Variants in THBS4 observed in about 807,000 individuals in gnomAD.
The protein encoded by THBS4 is thrombospondin-4.
A neutral mutation model predicts 115.7 loss-of-function variants in THBS4; 90 were observed. That is an observed-to-expected ratio of 0.78 (90% CI 0.66 to 0.93). The LOEUF is 0.93. Ranked by LOEUF, THBS4 falls within the 40% of genes least tolerant of loss-of-function variation. The pLI, the probability that THBS4 is intolerant of heterozygous loss-of-function variation, is 0.00. For synonymous variants in THBS4, 460 were observed against 479.3 expected, an observed-to-expected ratio of 0.96 and a Z score of 0.53; for missense variants, 1,087 against 1,232.7, an observed-to-expected ratio of 0.88 and a Z score of 1.77.
intron 2 of THBS4, among the ~76,000 whole-genome samples, chr5:79,999,055 C>G (rs979030233): frequency 1.3e-5 from 2 of 152,164 alleles, no homozygotes; most frequent in Admixed American, 6.5e-5. Context: ...CCTTGGAAAT[C>G]ACTGGAATCC....
chr5:80,051,066 C>A (rs887855743), intron 2 of THBS4, among the ~76,000 whole-genome samples: 2 of 152,066 alleles, frequency 1.3e-5, no homozygotes, highest in African/African-American at 2.4e-5. Context: ...GCGTTTTGTT[C>A]CTTCTGCTAT....
At chr5:80,040,927 T>C (rs1395531025) in intron 2 of THBS4, among the ~76,000 whole-genome samples, 1 of 151,908 alleles carries the variant, frequency 6.6e-6, no homozygotes, top group African/African-American at 2.4e-5. Flanking sequence ...AGCTTTATAA[T>C]AACCCACTCT....
chr5:80,072,892 A>G (rs553983022), intron 14 of THBS4, among the ~76,000 whole-genome samples: 2 of 152,252 alleles, frequency 1.3e-5, no homozygotes, highest in South Asian at 4.1e-4. Context: ...TCTGTGACTC[A>G]CTCATGATTT....
intron 8 of THBS4, among the ~76,000 whole-genome samples, chr5:80,063,042 A>G (rs17879315): frequency 6.4e-4 from 98 of 152,342 alleles, no homozygotes; most frequent in African/African-American, 2.3e-3. Context: ...GCCTTTGGGT[A>G]TATGCCCAGT....
chr5:80,034,563 C>G (rs1440368270), upstream of THBS4, among the ~76,000 whole-genome samples: 1 of 152,182 alleles, frequency 6.6e-6, no homozygotes, highest in Non-Finnish European at 1.5e-5. Context: ...CGATCTCTTT[C>G]AAGTTCTACT....
intron 1 of THBS4, among the ~76,000 whole-genome samples, chr5:79,992,141 C>T (rs926172965): frequency 3.9e-5 from 6 of 152,186 alleles, no homozygotes; most frequent in African/African-American, 1.2e-4. Context: ...CTAATGAGCA[C>T]AGACTAAATG....
chr5:80,005,616 T>C (rs1390269576), intron 2 of THBS4, among the ~76,000 whole-genome samples: 2 of 152,178 alleles, frequency 1.3e-5, no homozygotes, highest in African/African-American at 4.8e-5. Context: ...TTAACTTCCC[T>C]GAGTCTTGGT....
In THBS4 at chr5:80,080,020, A is replaced by G; in HGVS notation, c.2627A>G (p.Lys876Arg). ...LWKDSRNVGWKDKVSYRWFLQ... is the reference protein window; with the variant it reads ...LWKDSRNVGWRDKVSYRWFLQ... ...AAGGACTCCAGGAATGTGGGCTGGA[A>G]GGACAAGGTGTCCTACCGCTGGTTC... is the stretch of plus-strand genomic sequence containing the variant. The change falls in exon 20 of 22, where the codon AAG becomes AGG. Residue 876 changes from lysine to arginine, a missense_variant. Lys to Arg is a conservative substitution (Grantham distance 26). This residue lies in a region of THBS4 where 5 missense variants were observed against 20.8 expected (regional missense o/e 0.24). Transcript: ENST00000350881. 6.2e-7 allele frequency: 1 copy of G among 1,614,180 alleles called. No individual in the cohort carries two copies. Among genetic ancestry groups the G allele is most frequent in the South Asian group, 1.1e-5 (1 of 91,084 alleles).
rs1166921888 is a variant in THBS4, at chr5:80,055,955, A to C, written c.463A>C (p.Asn155His). ...CTGCATCCAGGTGGATTCCGTTCAC[A>C]ATCTCCCCAGGGCCTTTGCTGGCCC... The part of the protein sequence containing the change: ...LDCIQVDSVH[N>H]LPRAFAGPSQ... The change falls in exon 3 of 22, where the codon AAT becomes CAT. Residue 155 changes from asparagine (N) to histidine (H), a missense_variant. Coordinates refer to ENST00000350881, the MANE Select transcript of THBS4 (RefSeq NM_003248.6). 6.2e-7 allele frequency: 1 copy of C among 1,614,170 alleles called. No individual in the cohort carries two copies. The highest frequency in any genetic ancestry group is 1.1e-5 in the South Asian group (1 of 91,080).
intron 2 of THBS4, among the ~76,000 whole-genome samples, chr5:80,010,854 T>G (rs144667364): frequency 6.6e-6 from 1 of 152,352 alleles, no homozygotes; most frequent in East Asian, 1.9e-4. Context: ...TGACCTTGAA[T>G]GAGATGACTT....
chr5:80,065,878 G>A (rs996616491), intron 9 of THBS4, among the ~76,000 whole-genome samples: 2 of 152,012 alleles, frequency 1.3e-5, no homozygotes, highest in African/African-American at 4.8e-5. Flanking sequence ...CAATCATGGG[G>A]TCAGGAGATC....
intron 8 of THBS4, among the ~76,000 whole-genome samples, chr5:80,063,363 T>G (rs1479150832): frequency 6.6e-6 from 1 of 152,214 alleles, no homozygotes; most frequent in Non-Finnish European, 1.5e-5. Context: ...CTTTGCCCAC[T>G]TTTTGATGGG....
chr5:80,045,722 G>C (rs1833044730), intron 2 of THBS4, among the ~76,000 whole-genome samples: 1 of 151,930 alleles, frequency 6.6e-6, no homozygotes, highest in Non-Finnish European at 1.5e-5. Flanking sequence ...GTAGAGACAG[G>C]GTTTCTCCAT....
intron 2 of THBS4, among the ~76,000 whole-genome samples, chr5:80,051,053 CCT>C (rs1349587994): frequency 6.6e-6 from 1 of 152,078 alleles, no homozygotes; most frequent in East Asian, 1.9e-4. Flanking sequence ...AGTGTTTTCC[CCT>C]GCGTTTTGTT....
chr5:80,031,115 C>T (rs1057271969), upstream of THBS4, among the ~76,000 whole-genome samples: 1 of 152,150 alleles, frequency 6.6e-6, no homozygotes, highest in African/African-American at 2.4e-5. Context: ...AGGTTTATTG[C>T]TCACATAATA....
chr5:80,002,013 A>G (rs905780398), intron 2 of THBS4, among the ~76,000 whole-genome samples: 2 of 152,226 alleles, frequency 1.3e-5, no homozygotes, highest in Admixed American at 6.5e-5. Context: ...TAATAAAAGC[A>G]TTATTTGGAA....
intron 9 of THBS4, among the ~76,000 whole-genome samples, chr5:80,065,821 G>A (rs1016382052): frequency 1.3e-5 from 2 of 152,024 alleles, no homozygotes; most frequent in Non-Finnish European, 2.9e-5. Flanking sequence ...TATTTTACTG[G>A]TGACTACACA....
intron 1 of THBS4, among the ~76,000 whole-genome samples, chr5:79,996,880 C>T (rs531715360): frequency 4.6e-5 from 7 of 151,950 alleles, no homozygotes; most frequent in Non-Finnish European, 8.8e-5. Flanking sequence ...ATGGAAATAA[C>T]GGAAGCCTTA....
At chr5:79,995,308 TA>T (rs1831769948) in intron 1 of THBS4, among the ~76,000 whole-genome samples, 2 of 152,062 alleles carry the variant, frequency 1.3e-5, no homozygotes, top group Admixed American at 1.3e-4. Context: ...TTAAATAAAG[TA>T]AAAGTGTGGT....
Sources: allele counts gnomAD v4.1 joint callset (sites outside exome capture counted in the v4.1 genomes callset), GRCh38; gene constraint gnomAD v4.1.1; regional missense constraint gnomAD v4.1.1; transcripts MANE v1.5; gene names NCBI Gene and HGNC (gene_info 2026-07-23, HGNC 2026-07-21).